The following TOR1A variants were observed in gnomAD, a reference collection of about 807,000 sequenced individuals.
TOR1A encodes torsin-1A.
A neutral mutation model predicts 31.4 loss-of-function variants in TOR1A; 18 were observed. The ratio of observed to expected loss-of-function variants is 0.57; its 90% CI spans 0.40 to 0.85. The LOEUF is 0.85. Among genes scored for constraint, TOR1A ranks in the 40% least tolerant of loss-of-function variants. TOR1A has a pLI of 0.00. For synonymous variants in TOR1A, 168 were observed against 165.9 expected (o/e 1.01, Z -0.10); for missense variants, 375 against 416.4 (o/e 0.90, Z 0.87).
chr9:129,817,959 G>A (rs1032517139), intron 4 of TOR1A, among the ~76,000 whole-genome samples: 3 of 151,906 alleles, frequency 2.0e-5, no homozygotes, highest in African/African-American at 7.3e-5. Context: ...CAAGACTCCA[G>A]TGAGCTGAGA....
intron 1 of TOR1A, chr9:129,823,337 A>C: frequency 3.4e-6 from 1 of 290,408 alleles, no homozygotes; most frequent in Non-Finnish European, 6.7e-6. Context: ...CTCCGACTTA[A>C]GTCTGGCACG....
chr9:129,817,838 CAAAAAAAAAA>C (rs760010551), intron 4 of TOR1A, among the ~76,000 whole-genome samples: 67 of 45,752 alleles, frequency 1.5e-3, no homozygotes, highest in African/African-American at 5.1e-3. Flanking sequence ...CAGTCTCTAC[CAAAAAAAAAA>C]AAAAAAAAAA....
intron 4 of TOR1A, among the ~76,000 whole-genome samples, chr9:129,816,791 A>G (rs1312593811): frequency 1.3e-5 from 2 of 152,244 alleles, no homozygotes; most frequent in Non-Finnish European, 2.9e-5. Flanking sequence ...GTTTTTTGGC[A>G]AGGCAAGAAA....
chr9:129,819,308 G>A (rs934944328), intron 2 of TOR1A, among the ~76,000 whole-genome samples: 1 of 152,284 alleles, frequency 6.6e-6, no homozygotes, highest in East Asian at 1.9e-4. Flanking sequence ...ATGTCATGAG[G>A]ATACTGATTT....
chr9:129,818,431 G>A (rs1408710773), intron 4 of TOR1A, 89 bp downstream of exon 4: 11 of 1,590,312 alleles, frequency 6.9e-6, no homozygotes, highest in Admixed American at 1.7e-5. Flanking sequence ...CCAGCTCCCA[G>A]GTGATGCTGA....
chr9:129,817,284 C>T (rs1244008473), intron 4 of TOR1A, among the ~76,000 whole-genome samples: 1 of 152,182 alleles, frequency 6.6e-6, no homozygotes, highest in Non-Finnish European at 1.5e-5. Flanking sequence ...GGCTGTTGCT[C>T]TTGGGCAATG....
At chr9:129,814,819 C>T (rs1157635917) in intron 4 of TOR1A, among the ~76,000 whole-genome samples, 1 of 152,098 alleles carries the variant, frequency 6.6e-6, no homozygotes, top group Non-Finnish European at 1.5e-5. Flanking sequence ...CTTTTTGACT[C>T]TCCCTGGAGT....
At chr9:129,815,338 T>G (rs777633189) in intron 4 of TOR1A, among the ~76,000 whole-genome samples, 1 of 152,228 alleles carries the variant, frequency 6.6e-6, no homozygotes, top group Non-Finnish European at 1.5e-5. Flanking sequence ...CTTGCTATCA[T>G]GAACTCACGT....
intron 4 of TOR1A, among the ~76,000 whole-genome samples, chr9:129,817,330 C>G (rs1401615731): frequency 6.6e-6 from 1 of 152,226 alleles, no homozygotes; most frequent in Admixed American, 6.5e-5. Flanking sequence ...CATCTCTCCC[C>G]CTGAGCTGCC....
chr9:129,816,891 T>G (rs753047985), intron 4 of TOR1A, among the ~76,000 whole-genome samples: 1 of 152,230 alleles, frequency 6.6e-6, no homozygotes, highest in African/African-American at 2.4e-5. Context: ...GTTCACTAAC[T>G]GTAGGATTAA....
intron 4 of TOR1A, among the ~76,000 whole-genome samples, chr9:129,817,656 G>A (rs1379144183): frequency 1.1e-4 from 16 of 147,124 alleles, no homozygotes; most frequent in Non-Finnish European, 2.1e-4. Context: ...CCGAGATCGC[G>A]CCACTGCACT....
At chr9:129,819,807 C>A (rs1217833928) in intron 2 of TOR1A, among the ~76,000 whole-genome samples, 1 of 149,884 alleles carries the variant, frequency 6.7e-6, no homozygotes, top group East Asian at 2.0e-4. Context: ...CCTGTAATCC[C>A]AGGTACTTGG....
Position 129,813,842 on chromosome 9 carries a change from T to C in TOR1A, c.*130A>G, listed in dbSNP as rs1588214611. On this transcript the variant is annotated 3_prime_UTR_variant, in exon 5 of 5. Coordinates refer to ENST00000351698, the MANE Select transcript of TOR1A (RefSeq NM_000113.3). ...TGGAAACAATGCCAGGGAGAATTCC[T>C]GTCACATCAAACAGGAACATTCACT... 1 of 1,391,626 alleles carries C rather than the reference T, an allele frequency of 7.2e-7. No homozygotes were observed. Among genetic ancestry groups the C allele is most frequent in the East Asian group, 2.3e-5 (1 of 42,810 alleles). The allele number at this position is 1,391,626 out of a possible 1,614,324, so 86.2% of individuals were successfully genotyped here.
intron 1 of TOR1A, 31 bp downstream of exon 1, chr9:129,823,877 G>A (rs1263111160): frequency 1.8e-5 from 22 of 1,237,698 alleles, no homozygotes; most frequent in Admixed American, 1.1e-4. Flanking sequence ...CCCAGCCCCA[G>A]CCCCAGCCTC....
chr9:129,815,757 C>T (rs1222793481), intron 4 of TOR1A, among the ~76,000 whole-genome samples: 1 of 152,206 alleles, frequency 6.6e-6, no homozygotes, highest in Non-Finnish European at 1.5e-5. Context: ...CTGTCCCTTC[C>T]CTTCAATGGC....
chr9:129,823,452 G>T, intron 1 of TOR1A: 1 of 270,034 alleles, frequency 3.7e-6, no homozygotes, highest in South Asian at 3.7e-5. Context: ...CGGCCCTCCT[G>T]GGATGTGACC....
At chr9:129,823,062 G>A (rs773623587) in intron 1 of TOR1A, among the ~76,000 whole-genome samples, 25 of 152,200 alleles carry the variant, frequency 1.6e-4, no homozygotes, top group Non-Finnish European at 3.5e-4. Context: ...GCCCTGGCCC[G>A]ACTCCTTCCC....
At position 129,824,019 on chromosome 9, in the gene TOR1A, G is replaced by C. The variant is rs1423724411; in HGVS notation, c.67C>G (p.Pro23Ala). Residue 23 changes from proline (P) to alanine (A), a missense_variant, in exon 1 of 5, where the codon CCC (proline) becomes GCC (alanine). By Grantham distance (27) the Pro-to-Ala change is conservative (BLOSUM62 -1). Transcript: ENST00000351698. ...LAPSVVQAVE[P>A]ISLGLALAGV... ...GCCAGGGCCAGTCCCAGGCTGATGG[G>C]CTCCACCGCCTGCACCACGGACGGC... 11 of 1,609,492 alleles carry C rather than the reference G, an allele frequency of 6.8e-6. No individual in the cohort carries two copies. Among genetic ancestry groups the C allele is most frequent in the Admixed American group, 1.7e-5 (1 of 59,836 alleles).
At chr9:129,823,777 G>C in intron 1 of TOR1A, 131 bp downstream of exon 1, 1 of 980,680 alleles carries the variant, frequency 1.0e-6, no homozygotes, top group Non-Finnish European at 1.4e-6. Context: ...TCCAGCCCTA[G>C]TCCTAGCCCG....
Sources: gnomAD v4.1 joint callset for allele counts (sites outside exome capture counted in the v4.1 genomes callset) on GRCh38, gnomAD v4.1.1 for gene constraint, MANE v1.5 for transcripts, NCBI Gene and HGNC (gene_info 2026-07-23, HGNC 2026-07-21) for gene names.